The following CELF2 variants were observed in gnomAD, a reference collection of about 807,000 sequenced individuals.
CELF2 encodes CUG triplet repeat RNA-binding protein 2.
CELF2 carries 8 observed loss-of-function variants against 62.6 expected under a neutral mutation model. The ratio of observed to expected loss-of-function variants is 0.13; its 90% CI spans 0.07 to 0.23. The LOEUF is 0.23. Ranked by LOEUF, CELF2 falls within the 10% of genes least tolerant of loss-of-function variation. The pLI, the probability that CELF2 is intolerant of heterozygous loss-of-function variation, is 1.00. For missense variants in CELF2, 333 were observed against 671.0 expected (o/e 0.50, Z 5.56); for synonymous variants, 258 against 250.0 (o/e 1.03, Z -0.30).
Position 11,270,931 on chromosome 10 carries a change from G to A in CELF2, c.777+107G>A, listed in dbSNP as rs544063553. ...TTGTTTTCAGTACATTTTCAATCTC[G>A]GGGAATTATTGAAATCAGCATTTAT... is the stretch of plus-strand genomic sequence containing the variant. On this transcript the variant is annotated intron_variant, in intron 7 of 12. Transcript: ENST00000633077. The surrounding 1 kb of genome is among the most constrained non-coding windows in gnomAD (Gnocchi z 5.8). The A allele has an allele frequency of 2.2e-5, 24 of 1,071,462 alleles. No individual in the cohort carries two copies. Among genetic ancestry groups the A allele is most frequent in the East Asian group, 5.9e-5 (2 of 33,622 alleles). 66.4% of individuals were successfully genotyped at this position (1,071,462 alleles called of 1,614,324 possible).
chr10:10,888,762 C>G (rs1021705951), intron 1 of CELF2, among the ~76,000 whole-genome samples: 2 of 152,204 alleles, frequency 1.3e-5, no homozygotes, highest in Non-Finnish European at 2.9e-5. Context: ...AGACCCAGAA[C>G]AAACAGTTAT....
chr10:10,491,491 T>G, the CELF2 span, among the ~76,000 whole-genome samples: 1 of 152,200 alleles, frequency 6.6e-6, no homozygotes. Flanking sequence ...CTGGCAGCCC[T>G]GTGTTTTCCT....
chr10:10,679,212 G>A, the CELF2 span, among the ~76,000 whole-genome samples: 2 of 152,192 alleles, frequency 1.3e-5, no homozygotes, highest in East Asian at 1.9e-4. Context: ...ATTCATTTTA[G>A]TGACTGCTCT....
At chr10:11,266,795 T>G in intron 6 of CELF2, 118 bp downstream of exon 6, 1 of 685,512 alleles carries the variant, frequency 1.5e-6, no homozygotes, top group Non-Finnish European at 2.4e-6. Context: ...TTTCACCATC[T>G]CAGTTTTCAT....
intron 2 of CELF2, among the ~76,000 whole-genome samples, chr10:10,950,826 A>AT (rs990373445): frequency 6.6e-6 from 1 of 152,216 alleles, no homozygotes. Context: ...CTACTGCAAA[A>AT]TGCCTCTTGC....
the CELF2 span, among the ~76,000 whole-genome samples, chr10:10,733,689 G>T: frequency 1.3e-5 from 2 of 152,168 alleles, no homozygotes; most frequent in Admixed American, 1.3e-4. Context: ...TGAGAACCAA[G>T]TGAAAGGAGT....
At chr10:10,971,275 T>C (rs1419302124) in intron 2 of CELF2, among the ~76,000 whole-genome samples, 1 of 152,196 alleles carries the variant, frequency 6.6e-6, no homozygotes, top group South Asian at 2.1e-4. Context: ...TTTCTTTTTA[T>C]ACAAGCACAC....
chr10:11,228,919 G>A (rs1243240305), intron 3 of CELF2, among the ~76,000 whole-genome samples: 2 of 152,194 alleles, frequency 1.3e-5, no homozygotes, highest in South Asian at 2.1e-4. Flanking sequence ...TCCTGTAGCT[G>A]ATTTCAGTCG....
At chr10:10,659,809 T>C in the CELF2 span, among the ~76,000 whole-genome samples, 2 of 152,184 alleles carry the variant, frequency 1.3e-5, no homozygotes, top group Non-Finnish European at 2.9e-5. Context: ...ACCCTTCAGC[T>C]ACTCAGATCC....
chr10:10,999,975 CT>C (rs1227991547), intron 2 of CELF2, among the ~76,000 whole-genome samples: 1 of 152,206 alleles, frequency 6.6e-6, no homozygotes, highest in Non-Finnish European at 1.5e-5. Flanking sequence ...CAAGAATAAA[CT>C]TGGTCCATTT....
intron 1 of CELF2, among the ~76,000 whole-genome samples, chr10:11,042,321 A>G (rs2061983980): frequency 6.6e-6 from 1 of 152,226 alleles, no homozygotes; most frequent in Admixed American, 6.5e-5. Flanking sequence ...TTGGAAGCAG[A>G]GGTCAGAGCA....
the CELF2 span, among the ~76,000 whole-genome samples, chr10:10,691,838 A>C: frequency 6.8e-6 from 1 of 147,334 alleles, no homozygotes; most frequent in African/African-American, 2.5e-5. Context: ...TCCTTCGCCC[A>C]CTTTTTGATG....
At chr10:11,245,898 G>A (rs927386498) in intron 3 of CELF2, among the ~76,000 whole-genome samples, 9 of 152,216 alleles carry the variant, frequency 5.9e-5, no homozygotes, top group African/African-American at 2.2e-4. Context: ...AAGCAGTGTG[G>A]TTTAGGGGAG....
the CELF2 span, among the ~76,000 whole-genome samples, chr10:10,743,440 A>G: frequency 1.3e-5 from 2 of 152,230 alleles, no homozygotes; most frequent in Non-Finnish European, 2.9e-5. Flanking sequence ...GAAACTGAGA[A>G]TAGCTCTAAT....
At chr10:11,088,754 A>G (rs1291811) in intron 1 of CELF2, among the ~76,000 whole-genome samples, 39,744 of 152,140 alleles carry the variant, frequency 0.26, 5,455 homozygotes, top group Middle Eastern at 0.31. Flanking sequence ...GAGTTTGGAC[A>G]GGGCACAGAG....
chr10:10,713,638 A>G, the CELF2 span, among the ~76,000 whole-genome samples: 1 of 152,214 alleles, frequency 6.6e-6, no homozygotes, highest in East Asian at 1.9e-4. Context: ...ATGCCATGCA[A>G]TTCTGCTTTC....
the CELF2 span, among the ~76,000 whole-genome samples, chr10:10,734,728 T>C: frequency 6.6e-6 from 1 of 152,224 alleles, no homozygotes; most frequent in African/African-American, 2.4e-5. Flanking sequence ...ATTGTGGTCA[T>C]AATACTTCAC....
At chr10:11,024,579 C>T (rs928478819) in intron 1 of CELF2, among the ~76,000 whole-genome samples, 3 of 151,890 alleles carry the variant, frequency 2.0e-5, no homozygotes, top group African/African-American at 7.3e-5. Context: ...CCAGCCTGGG[C>T]GACAGAGCAA....
At chr10:10,839,663 A>C (rs2058549450) in intron 1 of CELF2, among the ~76,000 whole-genome samples, 1 of 152,226 alleles carries the variant, frequency 6.6e-6, no homozygotes, top group South Asian at 2.1e-4. Flanking sequence ...TAATAGAGTC[A>C]GACTTTTCTT....
Sources: gnomAD v4.1 joint callset for allele counts (sites outside exome capture counted in the v4.1 genomes callset) on GRCh38, gnomAD v4.1.1 for gene constraint, Gnocchi (gnomAD v3.1) non-coding constraint, MANE v1.5 for transcripts, NCBI Gene and HGNC (gene_info 2026-07-23, HGNC 2026-07-21) for gene names.